The following RAB1A variants were observed in gnomAD, a reference collection of about 807,000 sequenced individuals.
RAB1A encodes RAB1A, member RAS oncogene family, also known as ras-related protein Rab-1A.
RAB1A carries 2 observed loss-of-function variants against 26.0 expected under a neutral mutation model. The observed-to-expected ratio is 0.08, with a 90% CI of 0.03 to 0.24. The LOEUF (loss-of-function observed/expected upper bound fraction) is 0.24. Among genes scored for constraint, RAB1A ranks in the 10% least tolerant of loss-of-function variants. The pLI is 1.00. For missense variants in RAB1A, 100 were observed against 247.0 expected, an observed-to-expected ratio of 0.40 and a Z score of 3.99; for synonymous variants, 84 against 84.9, an observed-to-expected ratio of 0.99 and a Z score of 0.06.
chr2:65,117,928 T>C (rs1669862989), intron 1 of RAB1A, among the ~76,000 whole-genome samples: 1 of 152,214 alleles, frequency 6.6e-6, no homozygotes, highest in African/African-American at 2.4e-5. Context: ...AGCCTATTTG[T>C]TGTAGTGGGA....
intron 1 of RAB1A, among the ~76,000 whole-genome samples, chr2:65,126,867 T>C (rs1371577771): frequency 6.6e-6 from 1 of 152,232 alleles, no homozygotes; most frequent in Non-Finnish European, 1.5e-5. Flanking sequence ...AAATTTTCTC[T>C]AATTACTTTT....
chr2:65,122,155 C>CAAAA (rs57590844), intron 1 of RAB1A, among the ~76,000 whole-genome samples: 2 of 31,712 alleles, frequency 6.3e-5, no homozygotes, highest in Non-Finnish European at 1.6e-4. Context: ...GACTCTATCT[C>CAAAA]AAAAAAAAAA....
intron 1 of RAB1A, among the ~76,000 whole-genome samples, chr2:65,109,622 A>C (rs1408546874): frequency 6.6e-6 from 1 of 151,886 alleles, no homozygotes; most frequent in East Asian, 1.9e-4. Context: ...AGGCAGGAGA[A>C]TCACTTGGAC....
At chr2:65,117,714 G>A (rs557025959) in intron 1 of RAB1A, among the ~76,000 whole-genome samples, 32 of 148,182 alleles carry the variant, frequency 2.2e-4, no homozygotes, top group African/African-American at 6.0e-4. Flanking sequence ...CCACAGGCGC[G>A]TGCCACCACG....
rs70943624 is a variant in RAB1A at position 65,098,836 on chromosome 2, C to CTTTTTTTTTTTT, written c.97-782_97-771dup. ...CATGTTGTACCATGTAACAGTACTTCTTTTTTTTTTTTTTTTTGAGGCAGG... is the reference window on the plus strand; with the variant it reads ...CATGTTGTACCATGTAACAGTACTTCTTTTTTTTTTTTTTTTTTTTTTTTTTTTTGAGGCAGG... On this transcript the variant is annotated intron_variant, in intron 2 of 5. Transcript: ENST00000409784. Among the ~76,000 whole-genome samples the CTTTTTTTTTTTT allele has an allele frequency of 7.7e-5, 8 of 103,424 alleles. 1 individual carries two copies. Among genetic ancestry groups the CTTTTTTTTTTTT allele is most frequent in the African/African-American group, 1.5e-4 (4 of 26,866 alleles). 67.9% of individuals were successfully genotyped at this position (103,424 alleles called of 152,430 possible). A position where few individuals can be genotyped will look rare whatever the true frequency, so the allele number is the denominator to read the frequency against.
intron 5 of RAB1A, 68 bp downstream of exon 5, chr2:65,088,871 G>T: frequency 6.8e-7 from 1 of 1,470,750 alleles, no homozygotes; most frequent in Non-Finnish European, 9.2e-7. Context: ...TGGCCTTACT[G>T]TTACTGCAGA....
chr2:65,107,432 T>C (rs1669587548), intron 1 of RAB1A, among the ~76,000 whole-genome samples: 1 of 152,108 alleles, frequency 6.6e-6, no homozygotes, highest in Non-Finnish European at 1.5e-5. Context: ...TTTACCTGTA[T>C]GAAGAAAGGA....
chr2:65,098,805 T>C (rs1358614665), intron 2 of RAB1A, among the ~76,000 whole-genome samples: 1 of 150,692 alleles, frequency 6.6e-6, no homozygotes, highest in Non-Finnish European at 1.5e-5. Flanking sequence ...GTTTTCAAGG[T>C]TCATCCATGT....
intron 2 of RAB1A, among the ~76,000 whole-genome samples, chr2:65,101,934 A>G (rs1254342651): frequency 6.6e-6 from 1 of 151,692 alleles, no homozygotes; most frequent in Non-Finnish European, 1.5e-5. Flanking sequence ...TTTTTAGTAG[A>G]GACAGGGTTT....
intron 1 of RAB1A, among the ~76,000 whole-genome samples, chr2:65,116,898 T>C (rs28392943): frequency 0.11 from 16,597 of 152,288 alleles, 1,141 homozygotes; most frequent in South Asian, 0.2. Context: ...TTGCTTTTCA[T>C]AGAAAGACAT....
Position 65,129,972 on chromosome 2 carries a change from G to C in RAB1A, c.-57C>G. 2 of 1,546,066 alleles carry C rather than the reference G, an allele frequency of 1.3e-6. No individual in the cohort carries two copies. Among genetic ancestry groups the C allele is most frequent in the Non-Finnish European group, 1.8e-6 (2 of 1,139,292 alleles). ...CCCTTGCTGCCGCAGCCGCCGCCCTGACTCTCCGCGCCACGGGTAATCGAA... is the reference window on the plus strand; with the variant it reads ...CCCTTGCTGCCGCAGCCGCCGCCCTCACTCTCCGCGCCACGGGTAATCGAA... On this transcript the variant is annotated 5_prime_UTR_variant, in exon 1 of 6. Transcript: ENST00000409784.
intron 1 of RAB1A, among the ~76,000 whole-genome samples, chr2:65,112,394 G>A (rs1169586910): frequency 1.3e-5 from 2 of 152,058 alleles, no homozygotes; most frequent in South Asian, 2.1e-4. Context: ...TGATCCACCT[G>A]CCTCAGCCTC....
chr2:65,110,238 G>A (rs1026351474), intron 1 of RAB1A, among the ~76,000 whole-genome samples: 2 of 151,890 alleles, frequency 1.3e-5, no homozygotes, highest in African/African-American at 2.4e-5. Context: ...TCAGGAGATC[G>A]AGACCATCCT....
chr2:65,129,521 C>T lies in RAB1A; in HGVS notation c.23+372G>A, dbSNP rs1359366741. Among the ~76,000 whole-genome samples, 6 of 152,246 alleles carry T rather than the reference C, an allele frequency of 3.9e-5. No homozygotes were observed. The South Asian group carries it at 1.0e-3, about 26-fold the overall frequency. On this transcript the variant is annotated intron_variant, in intron 1 of 5. Transcript: ENST00000409784. The stretch of plus-strand genomic sequence containing the variant: ...GGTCTGACAGTGCCCTCTAGAAGGG[C>T]TCTCCCACCCCATCCCCTCCCCTTA...
At chr2:65,103,299 C>CA (rs1201745425) in intron 2 of RAB1A, among the ~76,000 whole-genome samples, 666 of 44,080 alleles carry the variant, frequency 0.015, 38 homozygotes, top group African/African-American at 0.042. Context: ...GAATCTGTCT[C>CA]AAAAAAAAAA....
intron 1 of RAB1A, among the ~76,000 whole-genome samples, chr2:65,112,925 G>A (rs888661002): frequency 6.6e-6 from 1 of 152,136 alleles, no homozygotes; most frequent in Non-Finnish European, 1.5e-5. Flanking sequence ...ACTGATGACA[G>A]GGCCAGGCAC....
chr2:65,129,470 G>A (rs1482065836), intron 1 of RAB1A, among the ~76,000 whole-genome samples: 1 of 152,148 alleles, frequency 6.6e-6, no homozygotes, highest in East Asian at 1.9e-4. Flanking sequence ...CGAAGATCCT[G>A]ACAGCTCCGC....
chr2:65,113,974 G>A (rs558215956), intron 1 of RAB1A, among the ~76,000 whole-genome samples: 3 of 152,268 alleles, frequency 2.0e-5, no homozygotes, highest in South Asian at 2.1e-4. Flanking sequence ...GGAGAAAAGC[G>A]TTTTATTCAA....
intron 1 of RAB1A, among the ~76,000 whole-genome samples, chr2:65,115,465 C>G (rs1669802953): frequency 6.6e-6 from 1 of 152,134 alleles, no homozygotes; most frequent in Non-Finnish European, 1.5e-5. Context: ...CAAAACCAAC[C>G]TTCAGGTTGA....
Sources: allele counts gnomAD v4.1 joint callset (sites outside exome capture counted in the v4.1 genomes callset), GRCh38; gene constraint gnomAD v4.1.1; transcripts MANE v1.5; gene names NCBI Gene and HGNC (gene_info 2026-07-23, HGNC 2026-07-21).